METTL8: variants seen among roughly 807,000 people sequenced by gnomAD.
METTL8 encodes tRNA N(3)-cytidine methyltransferase METTL8, mitochondrial.
In METTL8, 32 loss-of-function variants were observed where a neutral mutation model predicts 48.7. That is an observed-to-expected ratio of 0.66 (90% CI 0.50 to 0.88). The LOEUF is 0.88. METTL8 is among the 40% of genes least tolerant of loss of function. The pLI, the probability that METTL8 is intolerant of heterozygous loss-of-function variation, is 0.00. For synonymous variants in METTL8, 136 were observed against 157.1 expected (o/e 0.87, Z 1.01); for missense variants, 464 against 474.4 (o/e 0.98, Z 0.20).
In METTL8 at chr2:171,390,290, G is replaced by C. The variant is rs117648434; in HGVS notation, c.143+1753C>G. Among the ~76,000 whole-genome samples, 214 of 152,306 alleles carry C rather than the reference G, an allele frequency of 1.4e-3. 4 individuals are homozygous for C. The East Asian group carries it at 0.015, about 11-fold the overall frequency. Reference sequence around the variant, plus strand: ...ACCTTGTCACTCCAGAGTTCTGATGGAAATGTACAAGGATATTAATGTTGC... The same window carrying C: ...ACCTTGTCACTCCAGAGTTCTGATGCAAATGTACAAGGATATTAATGTTGC... On this transcript the variant is annotated intron_variant, in intron 2 of 9. Coordinates refer to ENST00000375258, the MANE Select transcript of METTL8 (RefSeq NM_001321154.2).
chr2:171,409,707 G>A (rs1328068549), intron 1 of METTL8, among the ~76,000 whole-genome samples: 1 of 152,130 alleles, frequency 6.6e-6, no homozygotes, highest in South Asian at 2.1e-4. Context: ...GGTCAGGGAC[G>A]CGGCAGGGCA....
rs763021449 is a variant in METTL8 at position 171,356,952 on chromosome 2, A to ATTTTTTTTTTTTTTTT, written c.235+3454_235+3469dup. 2.2e-3 allele frequency among the ~76,000 whole-genome samples: 170 copies of ATTTTTTTTTTTTTTTT among 78,408 alleles called. 57 individuals carry two copies. Among genetic ancestry groups the ATTTTTTTTTTTTTTTT allele is most frequent in the East Asian group, 3.5e-3 (8 of 2,316 alleles). The allele number at this position is 78,408 out of a possible 152,430, so 51.4% of individuals were successfully genotyped here. ...CAAATTAGCCTTGTTCAAAGACAAT[A>ATTTTTTTTTTTTTTTT]TTTTTTTTTTTTTTTTTGAGACAGG... On this transcript the variant is annotated intron_variant, in intron 3 of 9. Coordinates refer to ENST00000375258, the MANE Select transcript of METTL8 (RefSeq NM_001321154.2).
intron 2 of METTL8, among the ~76,000 whole-genome samples, chr2:171,370,573 T>C (rs1260729293): frequency 4.6e-5 from 7 of 152,030 alleles, no homozygotes; most frequent in Non-Finnish European, 1.0e-4. Context: ...GGGCAGATCA[T>C]GAGGTAAGGA....
intron 1 of METTL8, among the ~76,000 whole-genome samples, chr2:171,407,359 C>G (rs1690295102): frequency 6.6e-6 from 1 of 151,528 alleles, no homozygotes; most frequent in South Asian, 2.1e-4. Flanking sequence ...TGGAAAGAAA[C>G]AGGGGAGGGA....
rs576360628 is a variant in METTL8 at position 171,369,636 on chromosome 2, G to A, written c.144-9123C>T. Among the ~76,000 whole-genome samples the A allele has an allele frequency of 9.9e-5, 15 of 152,198 alleles. No individual in the cohort carries two copies. In the South Asian group the frequency reaches 1.2e-3, roughly 13 times the overall value. On this transcript the variant is annotated intron_variant, in intron 2 of 9. Transcript: ENST00000375258. ...ATCCATATCCATAAGAAGTCTTTGC[G>A]GTTCGTAGTAATTTAAGAGTGTAAA...
At chr2:171,343,342 G>A (rs954303112) in intron 3 of METTL8, among the ~76,000 whole-genome samples, 2 of 152,158 alleles carry the variant, frequency 1.3e-5, no homozygotes, top group Non-Finnish European at 2.9e-5. Context: ...AGGAGGCTGA[G>A]GCAGGAGAAT....
rs1477324783 is a variant in METTL8, at chr2:171,320,397, A to G, written c.*3775T>C. On this transcript the variant is annotated 3_prime_UTR_variant, in exon 10 of 10. Transcript: ENST00000375258. ...CTCACATGCTGTAATACATTATAGAAAGACACGAAGCCGAATTTTACTGTG... is the reference window on the plus strand; with the variant it reads ...CTCACATGCTGTAATACATTATAGAGAGACACGAAGCCGAATTTTACTGTG... 6.6e-6 allele frequency: 1 copy of G among 152,378 alleles called. No individual in the cohort carries two copies. The highest frequency in any genetic ancestry group is 1.9e-4 in the East Asian group (1 of 5,188). The allele number at this position is 152,378 out of a possible 1,614,324, so 9.4% of individuals were successfully genotyped here. A position where few individuals can be genotyped will look rare whatever the true frequency, so the allele number is the denominator to read the frequency against.
chr2:171,363,084 T>A (rs2105478970), intron 2 of METTL8, among the ~76,000 whole-genome samples: 1 of 152,330 alleles, frequency 6.6e-6, no homozygotes, highest in South Asian at 2.1e-4. Context: ...AAGCTTTTAG[T>A]TTAACTTGCT....
intron 6 of METTL8, 96 bp downstream of exon 6, chr2:171,331,708 C>T (rs149463629): frequency 9.3e-6 from 9 of 972,796 alleles, no homozygotes; most frequent in African/African-American, 4.9e-5. Flanking sequence ...TGAGCCACCA[C>T]GCCCTGCCTC....
intron 2 of METTL8, among the ~76,000 whole-genome samples, chr2:171,367,113 A>C (rs142548281): frequency 5.9e-5 from 9 of 152,122 alleles, no homozygotes; most frequent in Non-Finnish European, 8.8e-5. Context: ...AAATGAGTTA[A>C]AAATAATAAT....
intron 5 of METTL8, among the ~76,000 whole-genome samples, chr2:171,334,067 C>A (rs1392682061): frequency 7.0e-6 from 1 of 143,534 alleles, no homozygotes; most frequent in African/African-American, 2.8e-5. Flanking sequence ...CTAACATAGT[C>A]CTCTAAAACA....
intron 3 of METTL8, among the ~76,000 whole-genome samples, chr2:171,358,345 C>T (rs1427992754): frequency 8.2e-5 from 12 of 146,686 alleles, no homozygotes; most frequent in South Asian, 4.3e-4. Flanking sequence ...AGCAAAACTC[C>T]GTCTCCAGAA....
intron 1 of METTL8, among the ~76,000 whole-genome samples, chr2:171,412,464 T>A (rs1459295153): frequency 2.6e-5 from 4 of 152,212 alleles, no homozygotes; most frequent in Non-Finnish European, 5.9e-5. Flanking sequence ...TAAGAGAATC[T>A]TAAACTAGAA....
Position 171,316,430 on chromosome 2 carries a change from G to T in METTL8, c.*7742C>A, listed in dbSNP as rs1684267180. On this transcript the variant is annotated 3_prime_UTR_variant, in exon 10 of 10. Transcript: ENST00000375258. Reference sequence around the variant, plus strand: ...TATTTCCTTGCACTATTTGGCAAGAGAAAGAAGCACCTGGAGAGTGAGTTA... The same window carrying T: ...TATTTCCTTGCACTATTTGGCAAGATAAAGAAGCACCTGGAGAGTGAGTTA... Among the ~76,000 whole-genome samples the T allele has an allele frequency of 1.3e-5, 2 of 152,226 alleles. No individual in the cohort carries two copies. The highest frequency in any genetic ancestry group is 6.5e-5 in the Admixed American group (1 of 15,282).
intron 1 of METTL8, among the ~76,000 whole-genome samples, chr2:171,414,417 C>CA (rs61382748): frequency 0.054 from 5,711 of 105,362 alleles, 144 homozygotes; most frequent in African/African-American, 0.087. Context: ...AACTCCGTCT[C>CA]AAAAAAAAAA....
rs184277965 is a variant in METTL8, at chr2:171,361,347, C to A, written c.144-834G>T. On this transcript the variant is annotated intron_variant, in intron 2 of 9. Coordinates refer to ENST00000375258, the MANE Select transcript of METTL8 (RefSeq NM_001321154.2). The stretch of plus-strand genomic sequence containing the variant: ...TTATCACTAAACAATAAAAAAATTA[C>A]ACACCCCATATTCAAGTTGCATTTA... Among the ~76,000 whole-genome samples, 272 of 150,530 alleles carry A rather than the reference C, an allele frequency of 1.8e-3. 3 individuals carry two copies. Among genetic ancestry groups the A allele is most frequent in the Middle Eastern group, 3.5e-3 (1 of 284 alleles).
chr2:171,377,868 CCATTA>C (rs1687130961), intron 2 of METTL8, among the ~76,000 whole-genome samples: 1 of 152,108 alleles, frequency 6.6e-6, no homozygotes, highest in African/African-American at 2.4e-5. Context: ...TCCAGCAATC[CCATTA>C]CTGGGTATCT....
rs181555376 is a variant in METTL8, at chr2:171,351,441, T to C, written c.235+8981A>G. The stretch of plus-strand genomic sequence containing the variant: ...TTTTTGCTTAGGATTGACTTGGCAA[T>C]GTGGGCTCTTTTTTGTTTCCATATG... On this transcript the variant is annotated intron_variant, in intron 3 of 9. Coordinates refer to ENST00000375258, the MANE Select transcript of METTL8 (RefSeq NM_001321154.2). Among the ~76,000 whole-genome samples, 79 of 152,328 alleles carry C rather than the reference T, an allele frequency of 5.2e-4. 1 individual carries two copies. In the East Asian group the frequency reaches 0.011, roughly 22 times the overall value.
chr2:171,394,169 C>T (rs1008762119), intron 1 of METTL8, among the ~76,000 whole-genome samples: 11 of 152,164 alleles, frequency 7.2e-5, no homozygotes, highest in Non-Finnish European at 1.5e-4. Flanking sequence ...AAAACCCTAC[C>T]TGCAAAATTA....
Sources: gnomAD v4.1 joint callset for allele counts (sites outside exome capture counted in the v4.1 genomes callset) on GRCh38, gnomAD v4.1.1 for gene constraint, MANE v1.5 for transcripts, NCBI Gene and HGNC (gene_info 2026-07-23, HGNC 2026-07-21) for gene names.